PPP6R2: variants seen among roughly 807,000 people sequenced by gnomAD.
PPP6R2 encodes serine/threonine-protein phosphatase 6 regulatory subunit 2.
A neutral mutation model predicts 100.2 loss-of-function variants in PPP6R2; 62 were observed. That is an observed-to-expected ratio of 0.62 (90% CI 0.50 to 0.76). The LOEUF is 0.76. Among genes scored for constraint, PPP6R2 ranks in the 30% least tolerant of loss-of-function variants. The pLI, the probability that PPP6R2 is intolerant of heterozygous loss-of-function variation, is 0.00. For missense variants in PPP6R2, 1,142 were observed against 1,276.3 expected (o/e 0.89, Z 1.60); for synonymous variants, 525 against 514.7 (o/e 1.02, Z -0.27).
Position 50,406,265 on chromosome 22 carries a change from A to G in PPP6R2, c.228-424A>G, listed in dbSNP as rs188715124. ...GTGAGAGACCTGGCAGGCGAGTGTG[A>G]AGGCCTAGAGGGAGGTGAGAGGCCT... On this transcript the variant is annotated intron_variant, in intron 3 of 23. Coordinates refer to ENST00000612753, the MANE Select transcript of PPP6R2 (RefSeq NM_001242898.2). Among the ~76,000 whole-genome samples, 23 of 115,128 alleles carry G rather than the reference A, an allele frequency of 2.0e-4. 1 individual carries two copies. In the East Asian group the frequency reaches 5.9e-3, roughly 30 times the overall value. The allele number at this position is 115,128 out of a possible 152,430, so 75.5% of individuals were successfully genotyped here. A position where few individuals can be genotyped will look rare whatever the true frequency, so the allele number is the denominator to read the frequency against.
chr22:50,431,015 C>T lies in PPP6R2; in HGVS notation c.1126-158C>T, dbSNP rs2063045043. On this transcript the variant is annotated intron_variant, in intron 10 of 23. Transcript: ENST00000612753. The surrounding 1 kb of genome is among the most constrained non-coding windows in gnomAD (Gnocchi z 4.8). ...AAGAAGCTCCGTAATAGAGAGATGACCCTCAGGAAAACGCTTAAAACTCCT... is the reference window on the plus strand; with the variant it reads ...AAGAAGCTCCGTAATAGAGAGATGATCCTCAGGAAAACGCTTAAAACTCCT... Among the ~76,000 whole-genome samples the T allele has an allele frequency of 6.6e-6, 1 of 152,082 alleles. No individual in the cohort carries two copies. The highest frequency in any genetic ancestry group is 2.4e-5 in the African/African-American group (1 of 41,398).
upstream of PPP6R2, among the ~76,000 whole-genome samples, chr22:50,338,306 G>GTGTGTGTGGTGTGTAGTGTGTGGTA (rs2042326063): frequency 1.4e-5 from 2 of 145,930 alleles, no homozygotes; most frequent in African/African-American, 5.1e-5. Context: ...AGTGTGTGGT[G>GTGTGTGTGGTGTGTAGTGTGTGGTA]TGTGTGTGGT....
chr22:50,422,575 A>C (rs972398326), intron 9 of PPP6R2, among the ~76,000 whole-genome samples, 195 bp downstream of exon 9: 2 of 152,206 alleles, frequency 1.3e-5, no homozygotes, highest in Non-Finnish European at 2.9e-5. Context: ...TGCCCCTCCC[A>C]GATCTGCAAA....
At chr22:50,427,278 T>C (rs1483599296) in intron 10 of PPP6R2, among the ~76,000 whole-genome samples, 9 of 152,222 alleles carry the variant, frequency 5.9e-5, no homozygotes, top group East Asian at 1.9e-4. Context: ...TCTGTCCTTA[T>C]GCCAGTGTCG....
intron 3 of PPP6R2, 55 bp downstream of exon 3, chr22:50,394,190 G>C: frequency 1.3e-6 from 2 of 1,595,910 alleles, no homozygotes; most frequent in Admixed American, 3.4e-5. Flanking sequence ...CAGGCAGGCC[G>C]CAGGCAGTGT....
At chr22:50,406,572 C>G in intron 3 of PPP6R2, 117 bp from the exon 4 acceptor site, 1 of 915,370 alleles carries the variant, frequency 1.1e-6, no homozygotes, top group Non-Finnish European at 1.7e-6. Context: ...GTTCTGAGGT[C>G]TGTAGTGTTT....
intron 1 of PPP6R2, among the ~76,000 whole-genome samples, chr22:50,369,561 A>G (rs1376833578): frequency 6.6e-6 from 1 of 151,798 alleles, no homozygotes; most frequent in Non-Finnish European, 1.5e-5. Context: ...ACAGAGTCTC[A>G]CTCTGTTGCC....
At chr22:50,339,355 A>T (rs1451804895), upstream of PPP6R2, among the ~76,000 whole-genome samples, 1 of 80,228 alleles carries the variant, frequency 1.2e-5, no homozygotes, top group Admixed American at 1.4e-4. Flanking sequence ...AGTGTGTGGT[A>T]TGTGGTGTGT....
At chr22:50,434,828 G>A (rs897733938) in intron 12 of PPP6R2, 138 bp from the exon 13 acceptor site, 10 of 683,430 alleles carry the variant, frequency 1.5e-5, no homozygotes, top group Admixed American at 2.9e-5. Context: ...AGGAGGGCCG[G>A]GGGCGCGGAC....
chr22:50,444,933 G>T lies in PPP6R2; in HGVS notation c.*686G>T, dbSNP rs1334760902. 2 of 152,618 alleles carry T rather than the reference G, an allele frequency of 1.3e-5. No homozygotes were observed. The highest frequency in any genetic ancestry group is 1.3e-4 in the Admixed American group (2 of 15,284). 9.5% of individuals were successfully genotyped at this position (152,618 alleles called of 1,614,324 possible). On this transcript the variant is annotated 3_prime_UTR_variant, in exon 24 of 24. Transcript: ENST00000612753. Reference sequence around the variant, plus strand: ...TGGGGGGACATGGTGTGGCACTAGGGGCTCGAAGACTGGTTTCTAGCACTA... The same window carrying T: ...TGGGGGGACATGGTGTGGCACTAGGTGCTCGAAGACTGGTTTCTAGCACTA...
At chr22:50,409,579 C>T (rs2059451644) in intron 4 of PPP6R2, among the ~76,000 whole-genome samples, 1 of 152,074 alleles carries the variant, frequency 6.6e-6, no homozygotes, top group African/African-American at 2.4e-5. Flanking sequence ...AGGCGTGCAC[C>T]CCCACGCCCA....
rs556946488 is a variant in PPP6R2 at position 50,438,623 on chromosome 22, G to T, written c.1989G>T (p.Glu663Asp). 1 of 1,614,078 alleles carries T rather than the reference G, an allele frequency of 6.2e-7. No individual in the cohort carries two copies. Among genetic ancestry groups the T allele is most frequent in the East Asian group, 2.2e-5 (1 of 44,880 alleles). ...GGTTTGGAGCCCCCCATGCTTCAGA[G>T]AGTTGCTCAAAGAATGGCCCAGAGC... ...RPRFGAPHAS[E>D]SCSKNGPERG... is the part of the protein sequence containing the mutation. Residue 663 changes from glutamate (E) to aspartate (D), a missense_variant, in exon 19 of 24, where the codon GAG becomes GAT. Glu to Asp is a conservative substitution (Grantham distance 45). Transcript: ENST00000612753.
At chr22:50,417,229 G>A (rs1001301749) in intron 6 of PPP6R2, among the ~76,000 whole-genome samples, 6 of 152,094 alleles carry the variant, frequency 3.9e-5, no homozygotes, top group African/African-American at 1.2e-4. Context: ...GGCCGAGGCC[G>A]CCCTCAGCAT....
chr22:50,368,794 A>C (rs1205524640), intron 1 of PPP6R2, among the ~76,000 whole-genome samples: 1 of 151,952 alleles, frequency 6.6e-6, no homozygotes, highest in Non-Finnish European at 1.5e-5. Flanking sequence ...AGTAGCTGGG[A>C]CTGCAGGCGT....
chr22:50,387,199 T>TGATA (rs2054433679), intron 2 of PPP6R2, among the ~76,000 whole-genome samples: 1 of 152,128 alleles, frequency 6.6e-6, no homozygotes, highest in Non-Finnish European at 1.5e-5. Context: ...GTAGCTGAGA[T>TGATA]GATAGTCCCA....
chr22:50,403,842 T>C (rs372145407), intron 3 of PPP6R2, among the ~76,000 whole-genome samples: 118 of 152,238 alleles, frequency 7.8e-4, no homozygotes, highest in African/African-American at 2.6e-3. Context: ...GCCGAGATCA[T>C]TGCGTTTCTT....
chr22:50,421,400 C>T (rs1293713672), intron 8 of PPP6R2, among the ~76,000 whole-genome samples: 3 of 152,184 alleles, frequency 2.0e-5, no homozygotes, highest in Admixed American at 2.0e-4. Context: ...GGGAGTACAG[C>T]AGCACGATCA....
At chr22:50,353,363 G>A (rs1311743137) in intron 1 of PPP6R2, among the ~76,000 whole-genome samples, 1 of 152,176 alleles carries the variant, frequency 6.6e-6, no homozygotes, top group East Asian at 1.9e-4. Flanking sequence ...GGAGTAGGGA[G>A]CCCTGAGGAG....
the PPP6R2 span, among the ~76,000 whole-genome samples, chr22:50,337,356 TGGGTGTGTGTGTGCTGTGTGGG>T: frequency 1.1e-4 from 15 of 132,188 alleles, no homozygotes; most frequent in African/African-American, 4.4e-4. Flanking sequence ...GTGTGGTGTG[TGGGTGTGTGTGTGCTGTGTGGG>T]GGGTGTGTGT....
Sources: allele counts gnomAD v4.1 joint callset (sites outside exome capture counted in the v4.1 genomes callset), GRCh38; gene constraint gnomAD v4.1.1; non-coding constraint Gnocchi (gnomAD v3.1); transcripts MANE v1.5; gene names NCBI Gene and HGNC (gene_info 2026-07-23, HGNC 2026-07-21).